Variants in INTS15 observed in about 807,000 individuals in gnomAD.
INTS15 encodes integrator complex subunit 15.
At chr7:6,592,621 T>C in the INTS15 span, among the ~76,000 whole-genome samples, 3 of 151,836 alleles carry the variant, frequency 2.0e-5, no homozygotes, top group Admixed American at 6.6e-5. Flanking sequence ...TTTTCTTTTT[T>C]TTTTTCTGAC....
chr7:6,608,356 G>T, the INTS15 span: 1 of 1,423,546 alleles, frequency 7.0e-7, no homozygotes, highest in African/African-American at 1.5e-5. Flanking sequence ...GGATGGTGGA[G>T]GGAAGAGTCC....
chr7:6,604,029 A>G, the INTS15 span, among the ~76,000 whole-genome samples: 2 of 152,160 alleles, frequency 1.3e-5, no homozygotes, highest in Admixed American at 6.6e-5. Flanking sequence ...AAAACACAGA[A>G]TGCACTTAAA....
the INTS15 span, among the ~76,000 whole-genome samples, chr7:6,598,499 G>A: frequency 6.7e-6 from 1 of 148,750 alleles, no homozygotes; most frequent in African/African-American, 2.5e-5. Flanking sequence ...ACACAGGACA[G>A]CAGCTGCTCC....
chr7:6,608,507 C>G, the INTS15 span: 2 of 1,179,358 alleles, frequency 1.7e-6, no homozygotes, highest in Non-Finnish European at 2.1e-6. Flanking sequence ...TGTGTCTGGC[C>G]TCTTTCCTCG....
the INTS15 span, among the ~76,000 whole-genome samples, chr7:6,598,750 T>TGC: frequency 1.1e-3 from 112 of 99,894 alleles, no homozygotes; most frequent in African/African-American, 6.5e-3. Flanking sequence ...TGTGTGTGTG[T>TGC]GTGTGTGTGT....
chr7:6,595,392 G>A, the INTS15 span, among the ~76,000 whole-genome samples: 19 of 152,198 alleles, frequency 1.2e-4, no homozygotes, highest in Admixed American at 1.2e-3. Flanking sequence ...TTGAACTCCT[G>A]GACTCAAGCA....
the INTS15 span, chr7:6,608,020 G>A: frequency 1.8e-5 from 28 of 1,599,942 alleles, no homozygotes; most frequent in South Asian, 1.1e-5. Context: ...CGCTCCCCCC[G>A]GGGTTCTACC....
chr7:6,607,507 G>A, the INTS15 span: 1 of 1,304,864 alleles, frequency 7.7e-7, no homozygotes, highest in Non-Finnish European at 1.0e-6. This position sits in a 1 kb window ranked among gnomAD's most constrained non-coding sequence, Gnocchi z 6.0. Flanking sequence ...GTCCCCGAGG[G>A]GGCCGCACCG....
the INTS15 span, chr7:6,591,589 G>C: frequency 3.1e-5 from 47 of 1,494,470 alleles, no homozygotes; most frequent in Admixed American, 2.0e-4. Flanking sequence ...TAATGTATGA[G>C]TTAATAAGTA....
the INTS15 span, among the ~76,000 whole-genome samples, chr7:6,595,291 T>A: frequency 1.3e-5 from 2 of 152,264 alleles, no homozygotes; most frequent in African/African-American, 4.8e-5. Flanking sequence ...GCCTCCTGAG[T>A]AGTCGGGACC....
chr7:6,593,880 G>T, the INTS15 span, among the ~76,000 whole-genome samples: 1 of 150,874 alleles, frequency 6.6e-6, no homozygotes, highest in Non-Finnish European at 1.5e-5. Flanking sequence ...GGAACTGCTG[G>T]GCTCAAGTGA....
At chr7:6,599,183 C>G in the INTS15 span, among the ~76,000 whole-genome samples, 2 of 152,126 alleles carry the variant, frequency 1.3e-5, no homozygotes, top group East Asian at 1.9e-4. Context: ...GAGGATTAAA[C>G]GAGTTCGTCT....
chr7:6,597,113 G>C, the INTS15 span, among the ~76,000 whole-genome samples: 2 of 152,154 alleles, frequency 1.3e-5, no homozygotes, highest in African/African-American at 4.8e-5. Context: ...TTTCCTAGCA[G>C]TTTCCTCGTG....
chr7:6,598,059 A>C, the INTS15 span, among the ~76,000 whole-genome samples: 10 of 152,342 alleles, frequency 6.6e-5, no homozygotes, highest in African/African-American at 2.2e-4. Flanking sequence ...GCACACGCAC[A>C]CATTTTCTAC....
chr7:6,600,685 T>C, the INTS15 span, among the ~76,000 whole-genome samples: 1 of 152,118 alleles, frequency 6.6e-6, no homozygotes, highest in Admixed American at 6.6e-5. Context: ...TGCGACGGAG[T>C]CTCACGCTGT....
chr7:6,600,039 A>T, the INTS15 span: 2 of 1,614,184 alleles, frequency 1.2e-6, no homozygotes, highest in South Asian at 1.1e-5. Flanking sequence ...CCCTTATCCA[A>T]TGGCCATGTC....
At chr7:6,607,076 C>T in the INTS15 span, among the ~76,000 whole-genome samples, 3 of 151,252 alleles carry the variant, frequency 2.0e-5, no homozygotes, top group African/African-American at 7.3e-5. The surrounding 1 kb of genome is among the most constrained non-coding windows in gnomAD (Gnocchi z 6.0). Flanking sequence ...GCCCTCGCCT[C>T]GGCTGGGGGA....
At chr7:6,605,637 G>A in the INTS15 span, among the ~76,000 whole-genome samples, 2 of 152,078 alleles carry the variant, frequency 1.3e-5, no homozygotes, top group East Asian at 1.9e-4. Flanking sequence ...CTGACCTCCC[G>A]GGGCAGGCCT....
the INTS15 span, chr7:6,607,672 G>T: frequency 3.3e-6 from 5 of 1,511,444 alleles, no homozygotes; most frequent in Non-Finnish European, 4.5e-6. The surrounding 1 kb of genome is among the most constrained non-coding windows in gnomAD (Gnocchi z 6.0). Context: ...GCAGAGAGCC[G>T]CAGAGGCTGA....
Sources: gnomAD v4.1 joint callset for allele counts (sites outside exome capture counted in the v4.1 genomes callset) on GRCh38, gnomAD v4.1.1 for gene constraint, Gnocchi (gnomAD v3.1) non-coding constraint, MANE v1.5 for transcripts, NCBI Gene and HGNC (gene_info 2026-07-23, HGNC 2026-07-21) for gene names.